Variants in NAV3 observed in about 807,000 individuals in gnomAD.
The protein encoded by NAV3 is pore membrane and/or filament interacting like protein 1.
Under a neutral mutation model 244.7 loss-of-function variants are expected in NAV3, and 87 were observed. The ratio of observed to expected loss-of-function variants is 0.36; its 90% CI spans 0.30 to 0.42. The LOEUF (loss-of-function observed/expected upper bound fraction) is 0.42. Ranked by LOEUF, NAV3 falls within the 20% of genes least tolerant of loss-of-function variation. NAV3 has a pLI of 1.00. For missense variants in NAV3, 2,663 were observed against 2,893.3 expected, an observed-to-expected ratio of 0.92 and a Z score of 1.83; for synonymous variants, 1,126 against 1,042.2, an observed-to-expected ratio of 1.08 and a Z score of -1.55.
At chr12:78,148,976 A>G (rs1193661587) in intron 22 of NAV3, 57 bp downstream of exon 22, 30 of 1,387,174 alleles carry the variant, frequency 2.2e-5, no homozygotes, top group Non-Finnish European at 3.0e-5. Flanking sequence ...GGAAAATGAA[A>G]TCATTTTAGT....
At chr12:78,203,870 T>G (rs1960005321) in intron 38 of NAV3, among the ~76,000 whole-genome samples, 1 of 151,370 alleles carries the variant, frequency 6.6e-6, no homozygotes, top group South Asian at 2.1e-4. Context: ...TGTCTCATTC[T>G]TCTCTTCAGG....
At chr12:77,900,952 G>C (rs1291139870) in intron 1 of NAV3, among the ~76,000 whole-genome samples, 1 of 152,160 alleles carries the variant, frequency 6.6e-6, no homozygotes, top group Non-Finnish European at 1.5e-5. Context: ...GTATCTTATA[G>C]TGGCCTTGAT....
rs1955586770 is a variant in NAV3, at chr12:78,119,750, G to T, written c.3554G>T (p.Gly1185Val). Residue 1185 changes from glycine (G) to valine (V), a missense_variant, in exon 15 of 40, where the codon GGG (glycine) becomes GTG (valine). Physicochemically the swap from Gly to Val is moderately radical, Grantham distance 109. Coordinates refer to ENST00000397909, the MANE Select transcript of NAV3 (RefSeq NM_001024383.2). ...AAACTGAGAGAACCAACTAAAATTG[G>T]GTCAGGGCGCTCGAGTCCTGTCACC... ...TSKLREPTKI[G>V]SGRSSPVTVN... 2 of 1,614,000 alleles carry T rather than the reference G, an allele frequency of 1.2e-6. No individual in the cohort carries two copies. Among genetic ancestry groups the T allele is most frequent in the Non-Finnish European group, 1.7e-6 (2 of 1,180,012 alleles).
intron 5 of NAV3, among the ~76,000 whole-genome samples, chr12:77,976,771 C>T (rs923712282): frequency 9.4e-5 from 14 of 148,664 alleles, no homozygotes; most frequent in Admixed American, 4.8e-4. Context: ...CTTCCCCTCC[C>T]GGGTTCAAGT....
intron 2 of NAV3, among the ~76,000 whole-genome samples, chr12:77,650,985 CTA>C (rs1232850876): frequency 3.3e-5 from 5 of 151,968 alleles, no homozygotes; most frequent in Admixed American, 2.6e-4. Flanking sequence ...TATATAGTAA[CTA>C]TTTTAAATCT....
chr12:77,651,746 A>C (rs1872831894), intron 2 of NAV3, among the ~76,000 whole-genome samples: 2 of 152,238 alleles, frequency 1.3e-5, no homozygotes, highest in African/African-American at 4.8e-5. Flanking sequence ...GGAAAAATTA[A>C]ATTTACTAAC....
chr12:78,051,136 C>T lies in NAV3; in HGVS notation c.2505C>T (p.Asp835=), dbSNP rs1420841387. ...TTGGGAAAAGTCTCAGGACTGATGA[C>T]ATCAACAGTGGGTAAGTAACCCTGT... ...DILGKSLRTD[D]INSGYMTDGG... is the part of the protein sequence containing the mutation. Residue 835 remains aspartate (D), a synonymous_variant, in exon 11 of 40, where the codon GAC becomes GAT. Coordinates refer to ENST00000397909, the MANE Select transcript of NAV3 (RefSeq NM_001024383.2). 1 of 1,604,100 alleles carries T rather than the reference C, an allele frequency of 6.2e-7. No homozygotes were observed. Among genetic ancestry groups the T allele is most frequent in the Admixed American group, 1.7e-5 (1 of 59,818 alleles).
At chr12:77,838,176 G>T (rs553956746) in intron 1 of NAV3, among the ~76,000 whole-genome samples, 1 of 152,140 alleles carries the variant, frequency 6.6e-6, no homozygotes, top group African/African-American at 2.4e-5. Flanking sequence ...AACTCTCCAG[G>T]TTTCACAGTT....
intron 2 of NAV3, among the ~76,000 whole-genome samples, chr12:77,607,287 G>T (rs1351567537): frequency 2.0e-5 from 3 of 152,072 alleles, no homozygotes. Flanking sequence ...AATTTAGGAA[G>T]AATCTTCTAC....
At chr12:77,780,019 T>A (rs1870584839) in intron 2 of NAV3, among the ~76,000 whole-genome samples, 1 of 152,202 alleles carries the variant, frequency 6.6e-6, no homozygotes, top group Non-Finnish European at 1.5e-5. Flanking sequence ...GTGTTTTAGT[T>A]TTTTATTTTG....
intron 12 of NAV3, among the ~76,000 whole-genome samples, chr12:78,091,298 T>C (rs1953919241): frequency 6.6e-6 from 1 of 152,200 alleles, no homozygotes; most frequent in Non-Finnish European, 1.5e-5. Flanking sequence ...TAGAATTATG[T>C]TGGATTCCTT....
chr12:77,847,669 T>G (rs1876866660), intron 1 of NAV3, among the ~76,000 whole-genome samples: 1 of 152,248 alleles, frequency 6.6e-6, no homozygotes, highest in Non-Finnish European at 1.5e-5. Flanking sequence ...CAAACACCAC[T>G]ATTTTTCTTT....
intron 2 of NAV3, among the ~76,000 whole-genome samples, chr12:77,819,466 G>A (rs1197922324): frequency 6.6e-6 from 1 of 151,302 alleles, no homozygotes; most frequent in African/African-American, 2.4e-5. Context: ...TCATTTCTTT[G>A]AAGTTTGTGA....
intron 12 of NAV3, among the ~76,000 whole-genome samples, chr12:78,062,476 A>G (rs1199006762): frequency 6.6e-6 from 1 of 152,102 alleles, no homozygotes; most frequent in African/African-American, 2.4e-5. Context: ...CTTAGAGAGT[A>G]ATGATGGATA....
At chr12:77,788,951 C>G (rs536012305) in intron 2 of NAV3, among the ~76,000 whole-genome samples, 1 of 152,284 alleles carries the variant, frequency 6.6e-6, no homozygotes, top group Admixed American at 6.5e-5. Context: ...AGCAAGAGCT[C>G]TGAAAACCAA....
At chr12:77,679,067 C>G in intron 2 of NAV3, among the ~76,000 whole-genome samples, 1 of 152,128 alleles carries the variant, frequency 6.6e-6, no homozygotes, top group East Asian at 1.9e-4. Flanking sequence ...ACTGTGTCTA[C>G]TTTAGGCATA....
At chr12:77,982,114 A>G (rs1374542830) in intron 5 of NAV3, among the ~76,000 whole-genome samples, 1 of 152,240 alleles carries the variant, frequency 6.6e-6, no homozygotes, top group Non-Finnish European at 1.5e-5. Context: ...CTACTTTTAT[A>G]TCAAATACAT....
At chr12:78,116,278 A>G (rs981961617) in intron 12 of NAV3, among the ~76,000 whole-genome samples, 4 of 152,218 alleles carry the variant, frequency 2.6e-5, no homozygotes, top group African/African-American at 9.6e-5. Flanking sequence ...TGATCAAAGA[A>G]TAATGAGACT....
intron 9 of NAV3, among the ~76,000 whole-genome samples, chr12:78,044,907 T>C (rs889671771): frequency 6.6e-6 from 1 of 152,208 alleles, no homozygotes; most frequent in South Asian, 2.1e-4. Context: ...TCTTCCTATC[T>C]AAATGCACTT....
Sources: allele counts gnomAD v4.1 joint callset (sites outside exome capture counted in the v4.1 genomes callset), GRCh38; gene constraint gnomAD v4.1.1; transcripts MANE v1.5; gene names NCBI Gene and HGNC (gene_info 2026-07-23, HGNC 2026-07-21).